The following REEP3 variants were observed in gnomAD, a reference collection of about 807,000 sequenced individuals.
REEP3 encodes receptor accessory protein 3.
Under a neutral mutation model 41.3 loss-of-function variants are expected in REEP3, and 20 were observed. The ratio of observed to expected loss-of-function variants is 0.48; its 90% CI spans 0.34 to 0.70. The LOEUF (loss-of-function observed/expected upper bound fraction) is 0.70. Ranked by LOEUF, REEP3 falls within the 30% of genes least tolerant of loss-of-function variation. The probability of loss-of-function intolerance (pLI) is 0.01; values close to 1 mark genes in which losing one functional copy is unlikely to be tolerated. For missense variants in REEP3, 271 were observed against 308.8 expected (o/e 0.88, Z 0.92); for synonymous variants, 104 against 101.8 (o/e 1.02, Z -0.13).
Position 63,623,619 on chromosome 10 carries a change from T to C in REEP3, c.*2750T>C, listed in dbSNP as rs1245959838. On this transcript the variant is annotated 3_prime_UTR_variant, in exon 8 of 8. Transcript: ENST00000373758. Reference sequence around the variant, plus strand: ...TCCAGAGTTTGTTTAGGAGTAAGAATTGACCCATTCGTTAGTTTACCATAT... The same window carrying C: ...TCCAGAGTTTGTTTAGGAGTAAGAACTGACCCATTCGTTAGTTTACCATAT... The C allele has an allele frequency of 6.6e-6, 1 of 152,418 alleles. No individual in the cohort carries two copies. The highest frequency in any genetic ancestry group is 1.5e-5 in the Non-Finnish European group (1 of 68,192). 9.4% of individuals were successfully genotyped at this position (152,418 alleles called of 1,614,324 possible). A position where few individuals can be genotyped will look rare whatever the true frequency, so the allele number is the denominator to read the frequency against.
At chr10:63,556,089 A>G (rs376307976) in intron 1 of REEP3, among the ~76,000 whole-genome samples, 81 of 152,204 alleles carry the variant, frequency 5.3e-4, no homozygotes, top group African/African-American at 1.9e-3. Flanking sequence ...CTTATAAACT[A>G]TTTCTGGGAT....
chr10:63,564,997 C>T (rs909440240), intron 1 of REEP3, among the ~76,000 whole-genome samples: 16 of 152,308 alleles, frequency 1.1e-4, no homozygotes, highest in African/African-American at 3.8e-4. Flanking sequence ...GTGGCTCATG[C>T]CTATAATCCC....
At chr10:63,620,758 G>A (rs1956347326) in intron 7 of REEP3, 55 bp from the exon 8 acceptor site, 1 of 1,167,886 alleles carries the variant, frequency 8.6e-7, no homozygotes. Context: ...TAAATCTGAT[G>A]TAATTTTTTA....
intron 1 of REEP3, among the ~76,000 whole-genome samples, chr10:63,556,666 C>T (rs1333296430): frequency 8.6e-6 from 1 of 115,690 alleles, no homozygotes; most frequent in Non-Finnish European, 1.7e-5. Flanking sequence ...GACGGAGTCT[C>T]GCTCTGTCGC....
intron 6 of REEP3, among the ~76,000 whole-genome samples, chr10:63,616,882 A>G (rs1956316316): frequency 6.6e-6 from 1 of 152,238 alleles, no homozygotes; most frequent in Admixed American, 6.5e-5. Flanking sequence ...TTTAAAAATA[A>G]GAATTTGGCA....
chr10:63,538,850 T>C (rs982263983), intron 1 of REEP3, among the ~76,000 whole-genome samples: 1 of 152,232 alleles, frequency 6.6e-6, no homozygotes, highest in African/African-American at 2.4e-5. Flanking sequence ...CTAAGACATC[T>C]GTCACCTACT....
At chr10:63,569,041 G>C (rs531374939) in intron 2 of REEP3, among the ~76,000 whole-genome samples, 1 of 152,146 alleles carries the variant, frequency 6.6e-6, no homozygotes, top group Non-Finnish European at 1.5e-5. Flanking sequence ...TTTCATTATT[G>C]TATTATTAAT....
intron 2 of REEP3, among the ~76,000 whole-genome samples, chr10:63,584,471 T>C (rs1407490407): frequency 6.6e-6 from 1 of 150,874 alleles, no homozygotes; most frequent in Non-Finnish European, 1.5e-5. Flanking sequence ...CCACAGTCTC[T>C]AGTCACTTTG....
chr10:63,582,555 A>G (rs2133390114), intron 2 of REEP3, among the ~76,000 whole-genome samples: 1 of 152,266 alleles, frequency 6.6e-6, no homozygotes, highest in Non-Finnish European at 1.5e-5. Context: ...TCTTATGTAA[A>G]TTGATTGATT....
At chr10:63,603,514 C>T (rs72838783) in intron 5 of REEP3, among the ~76,000 whole-genome samples, 7,103 of 151,852 alleles carry the variant, frequency 0.047, 244 homozygotes, top group African/African-American at 0.085. Context: ...TTAATTTATA[C>T]GTTAACACCT....
chr10:63,534,340 C>A (rs555808761), intron 1 of REEP3, among the ~76,000 whole-genome samples: 2 of 152,040 alleles, frequency 1.3e-5, no homozygotes, highest in Non-Finnish European at 2.9e-5. Context: ...AACCTCAAAT[C>A]CCTGGGCTCC....
At chr10:63,596,937 T>C (rs1012023288) in intron 3 of REEP3, among the ~76,000 whole-genome samples, 5 of 152,178 alleles carry the variant, frequency 3.3e-5, no homozygotes, top group African/African-American at 9.7e-5. Context: ...GCACCTCACC[T>C]GGCACCTTAA....
rs774998631 is a variant in REEP3 at position 63,594,850 on chromosome 10, G to T, written c.178G>T (p.Ala60Ser). The T allele has an allele frequency of 4.4e-6, 7 of 1,607,206 alleles. No homozygotes were observed. The highest frequency in any genetic ancestry group is 6.0e-6 in the Non-Finnish European group (7 of 1,174,012). ...VIETVADQTV[A>S]WFPLYYELKI... ...TGAAACAGTAGCCGATCAAACAGTT[G>T]CTTGGTAAGTTTTACTATTGAGAAG... The change falls in exon 3 of 8, where the codon GCT becomes TCT. Residue 60 changes from alanine to serine, a missense_variant. Coordinates refer to ENST00000373758, the MANE Select transcript of REEP3 (RefSeq NM_001001330.3).
chr10:63,607,904 A>C (rs1278478096), intron 5 of REEP3, among the ~76,000 whole-genome samples: 1 of 152,190 alleles, frequency 6.6e-6, no homozygotes, highest in Non-Finnish European at 1.5e-5. Context: ...ATTCCATTGT[A>C]CTTTGAGTCA....
intron 2 of REEP3, among the ~76,000 whole-genome samples, chr10:63,575,277 C>A (rs1307448409): frequency 6.6e-6 from 1 of 152,150 alleles, no homozygotes; most frequent in Non-Finnish European, 1.5e-5. Context: ...CATTATGATT[C>A]TTACCTGTTT....
chr10:63,566,468 A>G (rs1243358356), intron 2 of REEP3, 58 bp downstream of exon 2: 1 of 946,818 alleles, frequency 1.1e-6, no homozygotes, highest in East Asian at 2.7e-5. Context: ...ATACACACTG[A>G]AAAACTGCTA....
intron 1 of REEP3, among the ~76,000 whole-genome samples, chr10:63,540,123 T>G (rs1955515606): frequency 6.6e-6 from 1 of 152,186 alleles, no homozygotes; most frequent in Non-Finnish European, 1.5e-5. Flanking sequence ...AGGAAGTGAT[T>G]TTTCTAGACA....
In REEP3 at chr10:63,619,748, T is replaced by TTCGAAGATCGCAAAGCATGAAATCTG; in HGVS notation, c.661_686dup (p.Lys230GlufsTer6). ...AATGAGATGTTAACACACAAAGGGC[T>TTCGAAGATCGCAAAGCATGAAATCTG]TCGAAGATCGCAAAGCATGAAATCT... On this transcript the variant is annotated frameshift_variant, in exon 7 of 8. Transcript: ENST00000373758. LOFTEE classifies it high-confidence loss of function. 6.2e-7 allele frequency: 1 copy of TTCGAAGATCGCAAAGCATGAAATCTG among 1,609,838 alleles called. No homozygotes were observed. The highest frequency in any genetic ancestry group is 1.7e-5 in the Admixed American group (1 of 59,448).
chr10:63,573,745 G>C (rs999054752), intron 2 of REEP3, among the ~76,000 whole-genome samples: 1 of 152,162 alleles, frequency 6.6e-6, no homozygotes. Flanking sequence ...GCTAACTTTA[G>C]AGTGGAAATA....
Sources: allele counts gnomAD v4.1 joint callset (sites outside exome capture counted in the v4.1 genomes callset), GRCh38; gene constraint gnomAD v4.1.1; transcripts MANE v1.5; gene names NCBI Gene and HGNC (gene_info 2026-07-23, HGNC 2026-07-21).